The following BTN3A3 variants were observed in gnomAD, a reference collection of about 807,000 sequenced individuals.
BTN3A3 encodes butyrophilin 3.
Under a neutral mutation model 43.2 loss-of-function variants are expected in BTN3A3, and 39 were observed. That is an observed-to-expected ratio of 0.90 (90% CI 0.70 to 1.18). The LOEUF (loss-of-function observed/expected upper bound fraction) is 1.18, where lower values mean the gene tolerates loss of function less well. Ranked by LOEUF, BTN3A3 falls within the 50% of genes most tolerant of loss-of-function variation. BTN3A3 has a pLI of 0.00. For synonymous variants in BTN3A3, 255 were observed against 272.7 expected, an observed-to-expected ratio of 0.93 and a Z score of 0.64; for missense variants, 631 against 722.8, an observed-to-expected ratio of 0.87 and a Z score of 1.46.
chr6:26,448,120 A>G (rs1466098695), intron 5 of BTN3A3, 128 bp from the exon 6 acceptor site: 1 of 1,068,980 alleles, frequency 9.4e-7, no homozygotes, highest in Non-Finnish European at 1.3e-6. Context: ...TAGGGACAGA[A>G]CGCTTATTTA....
chr6:26,445,393 G>T, intron 4 of BTN3A3: 1 of 332,956 alleles, frequency 3.0e-6, no homozygotes, highest in Non-Finnish European at 5.6e-6. Context: ...CAGGCTGGCT[G>T]CATTGCCTTG....
intron 1 of BTN3A3, among the ~76,000 whole-genome samples, chr6:26,442,925 T>C (rs1044424783): frequency 2.0e-5 from 3 of 152,258 alleles, no homozygotes; most frequent in African/African-American, 2.4e-5. Flanking sequence ...AACACTAATA[T>C]AGTAGGCCTC....
Position 26,448,421 on chromosome 6 carries a change from G to A in BTN3A3, c.889G>A (p.Ala297Thr), listed in dbSNP as rs1376970426. 1.5e-5 allele frequency: 24 copies of A among 1,613,736 alleles called. No homozygotes were observed. The highest frequency in any genetic ancestry group is 2.0e-5 in the Non-Finnish European group (24 of 1,179,964). The stretch of plus-strand genomic sequence containing the variant: ...AGAGATGAAAGAAATGGGATACGCT[G>A]CAACAGAGCAAGAAATAAGCCTAAG... ...EREMKEMGYA[A>T]TEQEISLREK... The change falls in exon 6 of 11, where the codon GCA becomes ACA. Residue 297 changes from alanine (A) to threonine (T), a missense_variant. Physicochemically the swap from Ala to Thr is moderately conservative, Grantham distance 58 (BLOSUM62 0). This residue lies in a region of BTN3A3 where 551 missense variants were observed against 584.0 expected (regional missense o/e 0.94). Coordinates refer to ENST00000244519, the MANE Select transcript of BTN3A3 (RefSeq NM_006994.5).
rs1251942347 is a variant in BTN3A3, at chr6:26,452,718, A to G, written c.*307A>G. The G allele has an allele frequency of 6.5e-6, 2 of 308,612 alleles. No individual in the cohort carries two copies. The highest frequency in any genetic ancestry group is 6.0e-6 in the Non-Finnish European group (1 of 166,628). The allele number at this position is 308,612 out of a possible 1,614,324, so 19.1% of individuals were successfully genotyped here. ...AGGGCAACATGAAGTAACTTACATAACTCATACAGTAATTTGTGCAGTTGG... is the reference window on the plus strand; with the variant it reads ...AGGGCAACATGAAGTAACTTACATAGCTCATACAGTAATTTGTGCAGTTGG... On this transcript the variant is annotated 3_prime_UTR_variant, in exon 11 of 11. Coordinates refer to ENST00000244519, the MANE Select transcript of BTN3A3 (RefSeq NM_006994.5).
chr6:26,451,018 A>G (rs1762916428), intron 10 of BTN3A3, among the ~76,000 whole-genome samples: 1 of 152,196 alleles, frequency 6.6e-6, no homozygotes, highest in African/African-American at 2.4e-5. Flanking sequence ...CAGTGGCACT[A>G]TCCTTAGAGT....
intron 4 of BTN3A3, chr6:26,444,759 G>A (rs146397118): frequency 3.0e-4 from 77 of 258,732 alleles, no homozygotes; most frequent in African/African-American, 1.6e-3. Flanking sequence ...AATGAGGCAT[G>A]TTTCTTACTT....
At chr6:26,443,250 T>C in intron 1 of BTN3A3, 132 bp from the exon 2 acceptor site, 1 of 294,688 alleles carries the variant, frequency 3.4e-6, no homozygotes. Context: ...CCTTCATGAA[T>C]CAGAGGGGGA....
At position 26,444,728 on chromosome 6, in the gene BTN3A3, C is replaced by G. The variant is rs919140432; in HGVS notation, c.433+424C>G. On this transcript the variant is annotated intron_variant, in intron 4 of 10. Coordinates refer to ENST00000244519, the MANE Select transcript of BTN3A3 (RefSeq NM_006994.5). Reference sequence around the variant, plus strand: ...GCCAGTGTTTTCCAATCAGTGACTCCCAGAAACATTTTTGTAGTATAATGA... The same window carrying G: ...GCCAGTGTTTTCCAATCAGTGACTCGCAGAAACATTTTTGTAGTATAATGA... The G allele has an allele frequency of 4.4e-5, 13 of 294,274 alleles. No individual in the cohort carries two copies. The Admixed American group carries it at 6.3e-4, about 14-fold the overall frequency. The allele number at this position is 294,274 out of a possible 1,614,324, so 18.2% of individuals were successfully genotyped here. A position where few individuals can be genotyped will look rare whatever the true frequency, so the allele number is the denominator to read the frequency against.
chr6:26,452,246 T>C lies in BTN3A3; in HGVS notation c.1590T>C (p.His530=). 3 of 1,614,134 alleles carry C rather than the reference T, an allele frequency of 1.9e-6. No homozygotes were observed. Among genetic ancestry groups the C allele is most frequent in the Non-Finnish European group, 2.5e-6 (3 of 1,180,026 alleles). ...CCGATCCTGACCTAGTGCCTGATCA[T>C]TCCCTGGAGACACCACTGACCCCGG... ...SSPDPDLVPD[H]SLETPLTPGL... Residue 530 remains histidine, a synonymous_variant, in exon 11 of 11, where the codon CAT becomes CAC. Transcript: ENST00000244519.
chr6:26,442,776 C>A (rs1762673154), intron 1 of BTN3A3, among the ~76,000 whole-genome samples: 1 of 152,152 alleles, frequency 6.6e-6, no homozygotes, highest in African/African-American at 2.4e-5. Context: ...TTGCTGGACC[C>A]AATTGTGCAC....
chr6:26,441,947 C>T (rs1343083289), intron 1 of BTN3A3, among the ~76,000 whole-genome samples: 3 of 152,174 alleles, frequency 2.0e-5, no homozygotes, highest in African/African-American at 7.2e-5. Flanking sequence ...AAATTGTTAA[C>T]TTTGAAACCA....
At chr6:26,449,636 A>T (rs1400901865) in intron 8 of BTN3A3, 26 bp from the exon 9 acceptor site, 1 of 1,614,026 alleles carries the variant, frequency 6.2e-7, no homozygotes, top group Non-Finnish European at 8.5e-7. Context: ...TGTTCAGGTG[A>T]CACCTCTATC....
At position 26,445,908 on chromosome 6, in the gene BTN3A3, G is replaced by T. The variant is rs144615747; in HGVS notation, c.638G>T (p.Ser213Ile). The T allele has an allele frequency of 2.5e-6, 4 of 1,614,082 alleles. No homozygotes were observed. In the African/African-American group the frequency reaches 5.3e-5, roughly 22 times the overall value. The change falls in exon 5 of 11, where the codon AGC becomes ATC. Residue 213 changes from serine to isoleucine, a missense_variant. Around this residue, in one of 2 missense-constraint regions of BTN3A3, gnomAD observed 551 missense variants for 584.0 expected, o/e 0.94. Coordinates refer to ENST00000244519, the MANE Select transcript of BTN3A3 (RefSeq NM_006994.5). ...AVAASVIMRGSSGGGVSCIIR... is the reference protein window; with the variant it reads ...AVAASVIMRGISGGGVSCIIR... ...GCAGCATCTGTGATCATGAGAGGCA[G>T]CTCTGGTGGGGGTGTATCCTGCATC...
chr6:26,445,616 A>T (rs377614790), intron 4 of BTN3A3, 88 bp from the exon 5 acceptor site: 1 of 1,462,088 alleles, frequency 6.8e-7, no homozygotes, highest in Non-Finnish European at 9.3e-7. Context: ...TCCTTGGATT[A>T]TCAAATGTGA....
chr6:26,450,086 T>C (rs779226287), intron 9 of BTN3A3, 21 bp from the exon 10 acceptor site: 5 of 1,612,660 alleles, frequency 3.1e-6, no homozygotes, highest in African/African-American at 2.7e-5. Flanking sequence ...CTTTTTCTTA[T>C]CTGTGTCTCC....
chr6:26,444,470 T>C (rs949147541), intron 4 of BTN3A3, 166 bp downstream of exon 4: 2 of 1,129,610 alleles, frequency 1.8e-6, no homozygotes, highest in African/African-American at 3.1e-5. Context: ...ACACATTCTT[T>C]CTTTAGAAAG....
At chr6:26,440,973 T>C (rs181069083) in intron 1 of BTN3A3, among the ~76,000 whole-genome samples, 60 of 152,320 alleles carry the variant, frequency 3.9e-4, no homozygotes, top group African/African-American at 1.3e-3. Flanking sequence ...TAAGAACTTA[T>C]TGTGGTCAGA....
At chr6:26,442,582 C>T (rs2080021288) in intron 1 of BTN3A3, among the ~76,000 whole-genome samples, 1 of 152,168 alleles carries the variant, frequency 6.6e-6, no homozygotes, top group South Asian at 2.1e-4. Context: ...ACTCTTTTTA[C>T]CTGCTGCATT....
At chr6:26,448,506 C>G (rs1581656677) in intron 6 of BTN3A3, 58 bp downstream of exon 6, 3 of 1,608,048 alleles carry the variant, frequency 1.9e-6, no homozygotes, top group East Asian at 4.5e-5. Flanking sequence ...GCCTGAAGAT[C>G]TCACCCCCAT....
Sources: gnomAD v4.1 joint callset for allele counts (sites outside exome capture counted in the v4.1 genomes callset) on GRCh38, gnomAD v4.1.1 for gene constraint, gnomAD v4.1.1 regional missense constraint, MANE v1.5 for transcripts, NCBI Gene and HGNC (gene_info 2026-07-23, HGNC 2026-07-21) for gene names.